Variants in CNTNAP5 observed in about 807,000 individuals in gnomAD.
CNTNAP5 encodes contactin-associated protein-like 5.
Under a neutral mutation model 150.2 loss-of-function variants are expected in CNTNAP5, and 72 were observed. That is an observed-to-expected ratio of 0.48 (90% confidence interval 0.40 to 0.58). The LOEUF (loss-of-function observed/expected upper bound fraction) is 0.58. CNTNAP5 is among the 20% of genes least tolerant of loss of function. The pLI is 0.00. For missense variants in CNTNAP5, 1,636 were observed against 1,626.2 expected, an observed-to-expected ratio of 1.01 and a Z score of -0.10; for synonymous variants, 672 against 619.8, an observed-to-expected ratio of 1.08 and a Z score of -1.25.
chr2:124,349,861 C>T lies in CNTNAP5; in HGVS notation c.382-67582C>T, dbSNP rs576972552. Among the ~76,000 whole-genome samples the T allele has an allele frequency of 4.4e-4, 41 of 92,178 alleles. 1 individual carries two copies. In the East Asian group the frequency reaches 0.012, roughly 26 times the overall value. The allele number at this position is 92,178 out of a possible 152,430, so 60.5% of individuals were successfully genotyped here. On this transcript the variant is annotated intron_variant, in intron 3 of 23. Coordinates refer to ENST00000682447, the MANE Select transcript of CNTNAP5 (RefSeq NM_001367498.1). Reference sequence around the variant, plus strand: ...TTCCCTAGACTTGGTTTTGAAATGACTTCTGGCTATTTCTTTTTTTTTTTT... The same window carrying T: ...TTCCCTAGACTTGGTTTTGAAATGATTTCTGGCTATTTCTTTTTTTTTTTT...
In CNTNAP5 at chr2:124,696,732, A is replaced by C. The variant is rs573134224; in HGVS notation, c.2077+48774A>C. Among the ~76,000 whole-genome samples, 6 of 152,278 alleles carry C rather than the reference A, an allele frequency of 3.9e-5. 1 individual carries two copies. In the South Asian group the frequency reaches 1.0e-3, roughly 26 times the overall value. On this transcript the variant is annotated intron_variant, in intron 13 of 23. Transcript: ENST00000682447. ...CTAAGGTGAGCGTGTCAAATAATAC[A>C]TGACGATCTTCAATTCTCAAACGTA...
At chr2:124,163,083 T>A (rs1684724678) in intron 1 of CNTNAP5, among the ~76,000 whole-genome samples, 1 of 152,124 alleles carries the variant, frequency 6.6e-6, no homozygotes, top group Non-Finnish European at 1.5e-5. Context: ...ATTAAAGACT[T>A]AGAATCATGG....
At chr2:124,784,620 G>A (rs1192622978) in intron 17 of CNTNAP5, among the ~76,000 whole-genome samples, 1 of 152,144 alleles carries the variant, frequency 6.6e-6, no homozygotes, top group African/African-American at 2.4e-5. Context: ...ATGCATGCTG[G>A]TATATTATTT....
intron 1 of CNTNAP5, among the ~76,000 whole-genome samples, chr2:124,137,530 T>G (rs1417672944): frequency 6.6e-6 from 1 of 152,206 alleles, no homozygotes; most frequent in African/African-American, 2.4e-5. Context: ...AAGTTCAATT[T>G]TAGAGATTTT....
intron 13 of CNTNAP5, among the ~76,000 whole-genome samples, chr2:124,666,922 T>C (rs1030848775): frequency 9.0e-6 from 1 of 110,954 alleles, no homozygotes; most frequent in African/African-American, 3.2e-5. Context: ...TCAAAGATGT[T>C]CAGGATGGTG....
chr2:124,559,944 C>G (rs573489123), intron 10 of CNTNAP5, among the ~76,000 whole-genome samples: 1 of 152,188 alleles, frequency 6.6e-6, no homozygotes, highest in African/African-American at 2.4e-5. Flanking sequence ...TCTGGGAAAA[C>G]TAGATTTTTC....
chr2:124,094,613 G>T (rs1166866010), intron 1 of CNTNAP5, among the ~76,000 whole-genome samples: 1 of 152,096 alleles, frequency 6.6e-6, no homozygotes, highest in African/African-American at 2.4e-5. Flanking sequence ...CATTTTGTTT[G>T]TTTTAATCAA....
chr2:124,094,192 G>T (rs1036004720), intron 1 of CNTNAP5, among the ~76,000 whole-genome samples: 4 of 152,204 alleles, frequency 2.6e-5, no homozygotes, highest in Non-Finnish European at 5.9e-5. Flanking sequence ...GCAAAGGGCA[G>T]AAATGGTCAC....
At position 124,191,521 on chromosome 2, in the gene CNTNAP5, G is replaced by A. The variant is rs575161986; in HGVS notation, c.83-30184G>A. Among the ~76,000 whole-genome samples, 4 of 152,238 alleles carry A rather than the reference G, an allele frequency of 2.6e-5. No individual in the cohort carries two copies. The South Asian group carries it at 8.3e-4, about 32-fold the overall frequency. On this transcript the variant is annotated intron_variant, in intron 1 of 23. Transcript: ENST00000682447. ...ATATATCATATGTATAGTCAAGTTG[G>A]AGAAAGAGACAAGTCAGTTGCCAAA...
At chr2:124,715,381 G>T (rs879736449) in intron 13 of CNTNAP5, among the ~76,000 whole-genome samples, 1 of 152,020 alleles carries the variant, frequency 6.6e-6, no homozygotes, top group Non-Finnish European at 1.5e-5. Flanking sequence ...ATGTTTTTGG[G>T]TTATTTTGGT....
intron 3 of CNTNAP5, among the ~76,000 whole-genome samples, chr2:124,340,693 A>C (rs1253468384): frequency 1.3e-5 from 2 of 151,658 alleles, no homozygotes; most frequent in Non-Finnish European, 2.9e-5. Context: ...CTGAGATGGG[A>C]CGACCCCTTG....
intron 2 of CNTNAP5, among the ~76,000 whole-genome samples, chr2:124,226,505 CCTTATGAGATATTCGG>C (rs1206581608): frequency 5.9e-5 from 9 of 152,090 alleles, no homozygotes; most frequent in African/African-American, 2.2e-4. Context: ...GGTATTAACC[CCTTATGAGATATTCGG>C]CTTGCAAATA....
intron 1 of CNTNAP5, among the ~76,000 whole-genome samples, chr2:124,123,661 G>T (rs1390200716): frequency 6.6e-6 from 1 of 152,162 alleles, no homozygotes; most frequent in Non-Finnish European, 1.5e-5. Flanking sequence ...CCCAGTAGGG[G>T]CCGACTGACA....
chr2:124,169,847 G>A (rs930044092), intron 1 of CNTNAP5, among the ~76,000 whole-genome samples: 1 of 152,194 alleles, frequency 6.6e-6, no homozygotes, highest in Non-Finnish European at 1.5e-5. Flanking sequence ...TCTGCATAGA[G>A]CAAAGGTCCA....
chr2:124,866,940 C>T (rs1573673685), intron 20 of CNTNAP5, among the ~76,000 whole-genome samples: 1 of 152,308 alleles, frequency 6.6e-6, no homozygotes, highest in East Asian at 1.9e-4. Flanking sequence ...TACACTCTTA[C>T]ATTCAGAAGA....
intron 1 of CNTNAP5, among the ~76,000 whole-genome samples, chr2:124,123,445 C>T (rs561710409): frequency 2.8e-4 from 42 of 152,288 alleles, no homozygotes; most frequent in Admixed American, 5.9e-4. Flanking sequence ...CTCAAGGAGG[C>T]CTGCCTGCCT....
rs577817669 is a variant in CNTNAP5 at position 124,817,139 on chromosome 2, A to G, written c.3217+18819A>G. ...AAAATTGATAAATCTCACAAAGTTAATGTTGAAAAAAACAGACTTAAGAAA... is the reference window on the plus strand; with the variant it reads ...AAAATTGATAAATCTCACAAAGTTAGTGTTGAAAAAAACAGACTTAAGAAA... On this transcript the variant is annotated intron_variant, in intron 19 of 23. Transcript: ENST00000682447. 7.7e-4 allele frequency among the ~76,000 whole-genome samples: 117 copies of G among 152,338 alleles called. 3 individuals are homozygous for G. The South Asian group carries it at 0.024, about 31-fold the overall frequency.
chr2:124,730,192 A>T (rs1331601295), intron 13 of CNTNAP5, among the ~76,000 whole-genome samples: 1 of 152,066 alleles, frequency 6.6e-6, no homozygotes, highest in Non-Finnish European at 1.5e-5. Flanking sequence ...GTTTTTCAAT[A>T]AAAATCCTGT....
intron 12 of CNTNAP5, among the ~76,000 whole-genome samples, chr2:124,647,498 T>G (rs886997840): frequency 7.2e-5 from 11 of 152,176 alleles, no homozygotes; most frequent in Non-Finnish European, 1.2e-4. Context: ...ATTGTCAATT[T>G]TAACTGAGAT....
Sources: allele counts gnomAD v4.1 joint callset (sites outside exome capture counted in the v4.1 genomes callset), GRCh38; gene constraint gnomAD v4.1.1; transcripts MANE v1.5; gene names NCBI Gene and HGNC (gene_info 2026-07-23, HGNC 2026-07-21).